GPC5: variants seen among roughly 807,000 people sequenced by gnomAD.
The protein encoded by GPC5 is glypican-5.
Under a neutral mutation model 53.9 loss-of-function variants are expected in GPC5, and 47 were observed. The ratio of observed to expected loss-of-function variants is 0.87; its 90% CI spans 0.69 to 1.11. GPC5 has a LOEUF of 1.11. Ranked by LOEUF, GPC5 falls within the 50% of genes most tolerant of loss-of-function variation. GPC5 has a pLI of 0.00. For missense variants in GPC5, 748 were observed against 713.1 expected, an observed-to-expected ratio of 1.05 and a Z score of -0.56; for synonymous variants, 286 against 263.3, an observed-to-expected ratio of 1.09 and a Z score of -0.84.
At chr13:92,197,616 T>A (rs936505819) in intron 7 of GPC5, among the ~76,000 whole-genome samples, 6 of 151,356 alleles carry the variant, frequency 4.0e-5, no homozygotes, top group Non-Finnish European at 8.8e-5. Context: ...TCCCATCTCT[T>A]CCTCCCAAGT....
At chr13:92,814,863 T>C (rs2138802982) in intron 7 of GPC5, among the ~76,000 whole-genome samples, 2 of 152,104 alleles carry the variant, frequency 1.3e-5, no homozygotes, top group Middle Eastern at 6.8e-3. Context: ...AACGAATTTC[T>C]CTAACTGTGC....
intron 2 of GPC5, chr13:91,486,261 C>A (rs958997780): frequency 6.6e-6 from 1 of 152,224 alleles, no homozygotes; most frequent in African/African-American, 2.4e-5. Context: ...GACCCTGCTG[C>A]TTTATGATGA....
rs60635680 is a variant in GPC5 at position 91,657,297 on chromosome 13, G to A, written c.326-35890G>A. 1.8e-3 allele frequency among the ~76,000 whole-genome samples: 281 copies of A among 152,244 alleles called. 1 individual carries two copies. The highest frequency in any genetic ancestry group is 6.6e-3 in the African/African-American group (274 of 41,548). ...GAAATGGAGTGATGAGAAGAGTAAAGGAAAGGGAGAAATCCAAGATGGTAG... is the reference window on the plus strand; with the variant it reads ...GAAATGGAGTGATGAGAAGAGTAAAAGAAAGGGAGAAATCCAAGATGGTAG... On this transcript the variant is annotated intron_variant, in intron 2 of 7. Transcript: ENST00000377067.
At position 92,040,302 on chromosome 13, in the gene GPC5, G is replaced by C. The variant is rs116323360; in HGVS notation, c.1402-104528G>C. Among the ~76,000 whole-genome samples the C allele has an allele frequency of 8.4e-3, 1,273 of 152,242 alleles. 19 individuals carry two copies. The highest frequency in any genetic ancestry group is 0.029 in the African/African-American group (1,184 of 41,542). On this transcript the variant is annotated intron_variant, in intron 6 of 7. Transcript: ENST00000377067. ...AAAGAGGTGCACGTTAAGTGCATCT[G>C]CTAACTAAACGTTCCCCCATCTGAG...
At chr13:91,456,611 A>G (rs1019960695) in intron 2 of GPC5, among the ~76,000 whole-genome samples, 2 of 152,038 alleles carry the variant, frequency 1.3e-5, no homozygotes, top group South Asian at 2.1e-4. Flanking sequence ...GTGAAAATAT[A>G]TATCAAGGGA....
At chr13:91,574,519 T>C (rs1198324241) in intron 2 of GPC5, among the ~76,000 whole-genome samples, 1 of 152,020 alleles carries the variant, frequency 6.6e-6, no homozygotes, top group Non-Finnish European at 1.5e-5. Context: ...AGCATTGACA[T>C]TAAAAGTCTT....
At chr13:92,064,764 A>AAAAAAAAAAAAAAAAAAAAAAAAAAC (rs1555308147) in intron 6 of GPC5, among the ~76,000 whole-genome samples, 2 of 138,364 alleles carry the variant, frequency 1.4e-5, no homozygotes, top group Admixed American at 7.5e-5. Context: ...CTCAAAAAAA[A>AAAAAAAAAAAAAAAAAAAAAAAAAAC]AAAACAAAAC....
At chr13:91,534,793 GTTTT>G (rs961827444) in intron 2 of GPC5, among the ~76,000 whole-genome samples, 8 of 151,236 alleles carry the variant, frequency 5.3e-5, no homozygotes, top group Admixed American at 4.0e-4. Flanking sequence ...TTGTTTGTTT[GTTTT>G]GTTTTGTTTT....
At chr13:91,606,658 T>G (rs1399008484) in intron 2 of GPC5, among the ~76,000 whole-genome samples, 1 of 149,072 alleles carries the variant, frequency 6.7e-6, no homozygotes, top group Non-Finnish European at 1.5e-5. Flanking sequence ...ATTCAGAGAT[T>G]CAACTTCTTC....
intron 6 of GPC5, among the ~76,000 whole-genome samples, chr13:91,937,923 GGTA>G (rs1304824902): frequency 2.0e-5 from 3 of 151,834 alleles, no homozygotes; most frequent in African/African-American, 7.3e-5. Flanking sequence ...CCCTTATATT[GGTA>G]ACACATCTGA....
At chr13:92,854,706 G>C (rs538317291) in intron 7 of GPC5, among the ~76,000 whole-genome samples, 1 of 152,112 alleles carries the variant, frequency 6.6e-6, no homozygotes, top group Admixed American at 6.6e-5. Context: ...AAATCCAAAA[G>C]AGGATGAGAA....
chr13:91,728,401 C>T (rs1288855446), intron 3 of GPC5, 131 bp from the exon 4 acceptor site: 1 of 655,106 alleles, frequency 1.5e-6, no homozygotes, highest in Non-Finnish European at 2.5e-6. Flanking sequence ...ATTATATATA[C>T]ATATTATATT....
In GPC5 at chr13:91,624,327, A is replaced by G. The variant is rs572078656; in HGVS notation, c.326-68860A>G. Among the ~76,000 whole-genome samples the G allele has an allele frequency of 5.9e-5, 9 of 152,282 alleles. No individual in the cohort carries two copies. In the East Asian group the frequency reaches 1.5e-3, roughly 26 times the overall value. On this transcript the variant is annotated intron_variant, in intron 2 of 7. Coordinates refer to ENST00000377067, the MANE Select transcript of GPC5 (RefSeq NM_004466.6). ...AACATGTAGAGAGACATTGTGTAATAACAAAATACCTACTTTTCAAAGAAA... is the reference window on the plus strand; with the variant it reads ...AACATGTAGAGAGACATTGTGTAATGACAAAATACCTACTTTTCAAAGAAA...
chr13:91,960,502 G>A (rs116795614), intron 6 of GPC5, among the ~76,000 whole-genome samples: 88 of 151,784 alleles, frequency 5.8e-4, no homozygotes, highest in African/African-American at 1.9e-3. Flanking sequence ...GCAATCTATA[G>A]ATACAATGCC....
At chr13:92,471,337 G>A (rs1878901699) in intron 7 of GPC5, among the ~76,000 whole-genome samples, 1 of 152,080 alleles carries the variant, frequency 6.6e-6, no homozygotes, top group Non-Finnish European at 1.5e-5. Flanking sequence ...CCAATTTGGA[G>A]ATGAAATTTA....
intron 7 of GPC5, among the ~76,000 whole-genome samples, chr13:92,304,225 G>C (rs1048332954): frequency 6.9e-6 from 1 of 145,564 alleles, no homozygotes; most frequent in African/African-American, 2.6e-5. Flanking sequence ...TTCTTTTTTA[G>C]ACAGAGTCTC....
At chr13:91,415,265 C>A (rs773523716) in intron 1 of GPC5, among the ~76,000 whole-genome samples, 8 of 152,134 alleles carry the variant, frequency 5.3e-5, no homozygotes, top group Admixed American at 1.3e-4. Flanking sequence ...AGTGGTGAAT[C>A]CCCAACAAGT....
At chr13:92,338,656 T>G (rs1171964074) in intron 7 of GPC5, among the ~76,000 whole-genome samples, 2 of 152,118 alleles carry the variant, frequency 1.3e-5, no homozygotes, top group Non-Finnish European at 2.9e-5. Context: ...ATATACCATG[T>G]GATTCCCACA....
chr13:92,223,463 G>A (rs2042463391), intron 7 of GPC5, among the ~76,000 whole-genome samples: 1 of 152,136 alleles, frequency 6.6e-6, no homozygotes, highest in Non-Finnish European at 1.5e-5. Context: ...TAGCTATTTA[G>A]GGAAATAATG....
Sources: allele counts gnomAD v4.1 joint callset (sites outside exome capture counted in the v4.1 genomes callset), GRCh38; gene constraint gnomAD v4.1.1; transcripts MANE v1.5; gene names NCBI Gene and HGNC (gene_info 2026-07-23, HGNC 2026-07-21).